Variants in PI15 observed in about 807,000 individuals in gnomAD.
PI15 encodes 25 kDa trypsin inhibitor.
In PI15, 18 loss-of-function variants were observed where a neutral mutation model predicts 31.0. The observed-to-expected ratio is 0.58, with a 90% CI of 0.40 to 0.86. The LOEUF is 0.86. PI15 is among the 40% of genes least tolerant of loss of function. The pLI, the probability that PI15 is intolerant of heterozygous loss-of-function variation, is 0.00. For synonymous variants in PI15, 118 were observed against 119.1 expected (o/e 0.99, Z 0.06); for missense variants, 282 against 328.1 (o/e 0.86, Z 1.09).
chr8:74,826,642 C>T (rs1011976849), intron 2 of PI15, among the ~76,000 whole-genome samples: 5 of 151,960 alleles, frequency 3.3e-5, no homozygotes, highest in African/African-American at 1.2e-4. Context: ...AGTATAGTCT[C>T]ATGATTAAGA....
intron 2 of PI15, among the ~76,000 whole-genome samples, chr8:74,832,521 C>T (rs1434589471): frequency 6.6e-6 from 1 of 151,762 alleles, no homozygotes; most frequent in Non-Finnish European, 1.5e-5. Context: ...AAGAAAATAC[C>T]CCCCTCTGTT....
In PI15 at chr8:74,850,573, T is replaced by C. The variant is rs2128766813; in HGVS notation, c.*1320T>C. ...TGAGTATTGTATGAAAGATCCTTCG[T>C]GCACACCACACACAGTCATGATTTT... is the stretch of plus-strand genomic sequence containing the variant. On this transcript the variant is annotated 3_prime_UTR_variant, in exon 6 of 6. Coordinates refer to ENST00000260113, the MANE Select transcript of PI15 (RefSeq NM_015886.5). 1 of 152,324 alleles carries C rather than the reference T, an allele frequency of 6.6e-6. No homozygotes were observed. Among genetic ancestry groups the C allele is most frequent in the Non-Finnish European group, 1.5e-5 (1 of 68,020 alleles). 9.4% of individuals were successfully genotyped at this position (152,324 alleles called of 1,614,324 possible).
At chr8:74,831,861 C>G (rs1368632) in intron 2 of PI15, among the ~76,000 whole-genome samples, 32,124 of 151,884 alleles carry the variant, frequency 0.21, 4,053 homozygotes, top group Middle Eastern at 0.29. Flanking sequence ...GTATGTAGTA[C>G]ACTCGAGACA....
intron 5 of PI15, among the ~76,000 whole-genome samples, chr8:74,847,410 A>T (rs1586959311): frequency 6.6e-6 from 1 of 151,146 alleles, no homozygotes; most frequent in African/African-American, 2.4e-5. Flanking sequence ...ACGCCATTGC[A>T]CTCCAGCCTG....
intron 2 of PI15, among the ~76,000 whole-genome samples, chr8:74,826,874 T>G (rs1456580364): frequency 6.6e-6 from 1 of 152,010 alleles, no homozygotes; most frequent in Non-Finnish European, 1.5e-5. Flanking sequence ...TTGATGGGTT[T>G]CTTTGAACTT....
chr8:74,849,302 T>G lies in PI15; in HGVS notation c.*49T>G, dbSNP rs772651702. Reference sequence around the variant, plus strand: ...ATAATGATTTCTGGGAACATGGGCATGTATATATATATATGGAGAGAGAAT... The same window carrying G: ...ATAATGATTTCTGGGAACATGGGCAGGTATATATATATATGGAGAGAGAAT... On this transcript the variant is annotated 3_prime_UTR_variant, in exon 6 of 6. Transcript: ENST00000260113. 6.9e-7 allele frequency: 1 copy of G among 1,456,672 alleles called. No individual in the cohort carries two copies. The highest frequency in any genetic ancestry group is 9.5e-7 in the Non-Finnish European group (1 of 1,053,872). The allele number at this position is 1,456,672 out of a possible 1,614,324, so 90.2% of individuals were successfully genotyped here. A position where few individuals can be genotyped will look rare whatever the true frequency, so the allele number is the denominator to read the frequency against.
Position 74,845,084 on chromosome 8 carries a change from T to C in PI15, c.393-44T>C, listed in dbSNP as rs200096008. The C allele has an allele frequency of 3.9e-6, 6 of 1,552,670 alleles. No individual in the cohort carries two copies. In the African/African-American group the frequency reaches 6.8e-5, roughly 18 times the overall value. ...CAGTGTAACATGAGTCCCTTATATA[T>C]TACCACTGCTGCACTCTGATTTCTT... On this transcript the variant is annotated intron_variant, in intron 3 of 5. Coordinates refer to ENST00000260113, the MANE Select transcript of PI15 (RefSeq NM_015886.5).
At chr8:74,847,370 G>A (rs965297954) in intron 5 of PI15, among the ~76,000 whole-genome samples, 3 of 151,938 alleles carry the variant, frequency 2.0e-5, no homozygotes, top group African/African-American at 7.3e-5. Flanking sequence ...GCTTGAGCCT[G>A]GGTGGTGGAG....
At chr8:74,843,853 A>G in intron 2 of PI15, 128 bp from the exon 3 acceptor site, 1 of 697,584 alleles carries the variant, frequency 1.4e-6, no homozygotes, top group South Asian at 1.7e-5. Flanking sequence ...CCGGGCAGAA[A>G]AAACAAAAAC....
chr8:74,833,674 T>TATC (rs1232764975), intron 2 of PI15, among the ~76,000 whole-genome samples: 2 of 152,176 alleles, frequency 1.3e-5, no homozygotes, highest in African/African-American at 4.8e-5. Context: ...CTTCAGTCAC[T>TATC]ATCTCATCTA....
intron 5 of PI15, among the ~76,000 whole-genome samples, chr8:74,847,606 G>C (rs1010008125): frequency 6.6e-6 from 1 of 152,114 alleles, no homozygotes; most frequent in African/African-American, 2.4e-5. Flanking sequence ...TATCCTTATA[G>C]TGTAGAATAA....
chr8:74,847,670 A>T (rs556020409), intron 5 of PI15, among the ~76,000 whole-genome samples: 1 of 152,148 alleles, frequency 6.6e-6, no homozygotes, highest in Non-Finnish European at 1.5e-5. Flanking sequence ...AATATGAATA[A>T]AAGTTTTTCA....
chr8:74,833,315 A>G (rs2128764118), intron 2 of PI15, among the ~76,000 whole-genome samples: 1 of 152,248 alleles, frequency 6.6e-6, no homozygotes, highest in African/African-American at 2.4e-5. Flanking sequence ...AACATGTATT[A>G]AAGAGGGATC....
At chr8:74,838,923 G>A (rs1810906568) in intron 2 of PI15, among the ~76,000 whole-genome samples, 1 of 152,104 alleles carries the variant, frequency 6.6e-6, no homozygotes, top group South Asian at 2.1e-4. Context: ...ACTATGTTGA[G>A]GATCCCAAAA....
At chr8:74,833,316 A>C (rs1166206133) in intron 2 of PI15, among the ~76,000 whole-genome samples, 1 of 152,122 alleles carries the variant, frequency 6.6e-6, no homozygotes, top group Non-Finnish European at 1.5e-5. Flanking sequence ...ACATGTATTA[A>C]AGAGGGATCT....
At chr8:74,831,649 A>T (rs1810782908) in intron 2 of PI15, among the ~76,000 whole-genome samples, 1 of 152,152 alleles carries the variant, frequency 6.6e-6, no homozygotes, top group Non-Finnish European at 1.5e-5. Flanking sequence ...GCAGTGTGCT[A>T]AATGCTGAAC....
At chr8:74,833,140 A>G (rs1158294586) in intron 2 of PI15, among the ~76,000 whole-genome samples, 3 of 152,104 alleles carry the variant, frequency 2.0e-5, no homozygotes, top group African/African-American at 2.4e-5. Context: ...AAAATTAGTT[A>G]TTAAAATATA....
Position 74,845,129 on chromosome 8 carries a change from T to C in PI15, c.394T>C (p.Tyr132His), listed in dbSNP as rs1811005649. The C allele has an allele frequency of 9.9e-6, 16 of 1,611,882 alleles. No individual in the cohort carries two copies. The highest frequency in any genetic ancestry group is 1.1e-5 in the Non-Finnish European group (13 of 1,177,972). The change falls in exon 4 of 6, where the codon TAT becomes CAT. Residue 132 changes from tyrosine to histidine, a missense_variant and splice_region_variant. Coordinates refer to ENST00000260113, the MANE Select transcript of PI15 (RefSeq NM_015886.5). ...TTTCTTTCTTTTCTTTATATGCAGATATCGCTCTATTCTCCAGTTGGTCAA... is the reference window on the plus strand; with the variant it reads ...TTTCTTTCTTTTCTTTATATGCAGACATCGCTCTATTCTCCAGTTGGTCAA... Reference protein sequence around the residue: ...GQNLSVRTGRYRSILQLVKPW... With the variant: ...GQNLSVRTGRHRSILQLVKPW...
At chr8:74,835,578 G>A (rs550864954) in intron 2 of PI15, among the ~76,000 whole-genome samples, 18 of 152,250 alleles carry the variant, frequency 1.2e-4, no homozygotes, top group Admixed American at 3.3e-4. Flanking sequence ...GATAATTTCC[G>A]TATTATCACA....
Sources: gnomAD v4.1 joint callset for allele counts (sites outside exome capture counted in the v4.1 genomes callset) on GRCh38, gnomAD v4.1.1 for gene constraint, MANE v1.5 for transcripts, NCBI Gene and HGNC (gene_info 2026-07-23, HGNC 2026-07-21) for gene names.